USP34: variants seen among roughly 807,000 people sequenced by gnomAD.
USP34 encodes the protein ubiquitin carboxyl-terminal hydrolase 34.
A neutral mutation model predicts 460.3 loss-of-function variants in USP34; 70 were observed. The ratio of observed to expected loss-of-function variants is 0.15; its 90% CI spans 0.13 to 0.19. The LOEUF (loss-of-function observed/expected upper bound fraction) is 0.19, where lower values mean the gene tolerates loss of function less well. Among genes scored for constraint, USP34 ranks in the 10% least tolerant of loss-of-function variants. The pLI, the probability that USP34 is intolerant of heterozygous loss-of-function variation, is 1.00. For synonymous variants in USP34, 1,647 were observed against 1,405.3 expected, an observed-to-expected ratio of 1.17 and a Z score of -3.85; for missense variants, 3,985 against 4,236.2, an observed-to-expected ratio of 0.94 and a Z score of 1.65.
chr2:61,224,574 A>G (rs1687676675), intron 62 of USP34, among the ~76,000 whole-genome samples: 1 of 152,184 alleles, frequency 6.6e-6, no homozygotes, highest in Admixed American at 6.5e-5. Context: ...ACATATAAGA[A>G]CACAAACTTC....
chr2:61,265,879 A>G, intron 42 of USP34, 105 bp downstream of exon 42: 2 of 1,069,622 alleles, frequency 1.9e-6, no homozygotes, highest in Non-Finnish European at 2.5e-6. Flanking sequence ...ATCATTTATA[A>G]TGTTAAAGTG....
At chr2:61,348,600 A>G in intron 14 of USP34, 120 bp from the exon 15 acceptor site, 1 of 1,444,104 alleles carries the variant, frequency 6.9e-7, no homozygotes, top group Non-Finnish European at 9.1e-7. Context: ...CCTTTGAACA[A>G]TACAAAATGG....
intron 48 of USP34, among the ~76,000 whole-genome samples, chr2:61,251,129 C>A (rs768538163): frequency 9.9e-5 from 15 of 151,998 alleles, no homozygotes; most frequent in Non-Finnish European, 1.9e-4. Context: ...TCAAGCGAGA[C>A]TCCATCTCAA....
At chr2:61,221,190 G>C (rs1572846298) in intron 66 of USP34, among the ~76,000 whole-genome samples, 1 of 152,148 alleles carries the variant, frequency 6.6e-6, no homozygotes, top group South Asian at 2.1e-4. Flanking sequence ...AAGGTGGCTG[G>C]TGCTTCCTCT....
chr2:61,265,505 T>C lies in USP34; in HGVS notation c.5670A>G (p.Glu1890=), dbSNP rs1397433087. The change falls in exon 43 of 80, where the codon GAA becomes GAG. Residue 1890 remains glutamate (E), a synonymous_variant. Transcript: ENST00000398571. ...GGTTAGTAAGGCCAACAAATCTACA[T>C]TCAGCACGGACATCTTCATGAGGCC... The part of the protein sequence containing the change: ...DYWPHEDVRA[E]CRFVGLTNLG... 2 of 1,613,520 alleles carry C rather than the reference T, an allele frequency of 1.2e-6. No individual in the cohort carries two copies. Among genetic ancestry groups the C allele is most frequent in the East Asian group, 2.2e-5 (1 of 44,842 alleles).
At chr2:61,188,780 A>C (rs1686529724) in intron 79 of USP34, 71 bp from the exon 80 acceptor site, 1 of 1,569,528 alleles carries the variant, frequency 6.4e-7, no homozygotes, top group Non-Finnish European at 8.6e-7. Context: ...GGGATGTGGG[A>C]AGTTAATTTT....
intron 8 of USP34, among the ~76,000 whole-genome samples, chr2:61,377,151 G>T: frequency 6.6e-6 from 1 of 152,100 alleles, no homozygotes; most frequent in East Asian, 1.9e-4. Flanking sequence ...AAGAACAACT[G>T]GGAGAATAAG....
chr2:61,302,692 T>C (rs968666255), intron 27 of USP34, among the ~76,000 whole-genome samples: 1 of 152,230 alleles, frequency 6.6e-6, no homozygotes, highest in Admixed American at 6.5e-5. Flanking sequence ...TTCTATATCA[T>C]TTAACTAACA....
chr2:61,354,837 G>C (rs575431997), intron 10 of USP34, among the ~76,000 whole-genome samples: 6 of 152,258 alleles, frequency 3.9e-5, no homozygotes, highest in South Asian at 2.1e-4. Flanking sequence ...CAGACCCTTG[G>C]GTGATCAGGT....
chr2:61,443,640 T>C (rs1695030217), intron 1 of USP34, among the ~76,000 whole-genome samples: 1 of 152,040 alleles, frequency 6.6e-6, no homozygotes, highest in African/African-American at 2.4e-5. Context: ...ATGGAGACAG[T>C]AAAAAGATCA....
rs1245307737 is a variant in USP34 at position 61,263,647 on chromosome 2, A to AT, written c.5778+1749dup. Reference sequence around the variant, plus strand: ...GAGGTACCCACCACCATACCCAGCTATTTTTTTTGTATTTTTAGTAGAGAT... The same window carrying AT: ...GAGGTACCCACCACCATACCCAGCTATTTTTTTTTGTATTTTTAGTAGAGAT... On this transcript the variant is annotated intron_variant, in intron 43 of 79. Transcript: ENST00000398571. Among the ~76,000 whole-genome samples the AT allele has an allele frequency of 1.1e-4, 16 of 151,372 alleles. 1 individual carries two copies. The highest frequency in any genetic ancestry group is 3.9e-4 in the Admixed American group (6 of 15,212).
chr2:61,344,457 C>T (rs1244121979), intron 15 of USP34, among the ~76,000 whole-genome samples: 1 of 152,052 alleles, frequency 6.6e-6, no homozygotes, highest in African/African-American at 2.4e-5. Flanking sequence ...AACTTCTAAC[C>T]AAACAAACCC....
At chr2:61,267,747 G>A (rs1448613297) in intron 41 of USP34, among the ~76,000 whole-genome samples, 3 of 151,970 alleles carry the variant, frequency 2.0e-5, no homozygotes, top group African/African-American at 7.3e-5. Context: ...CCAATTAGTT[G>A]GGACTACAGG....
Position 61,278,095 on chromosome 2 carries a change from T to C in USP34, c.5433+70A>G, listed in dbSNP as rs6747211. The C allele has an allele frequency of 5.6e-3, 8,737 of 1,570,608 alleles. 429 individuals are homozygous for C. The African/African-American group carries it at 0.11, about 19-fold the overall frequency. On this transcript the variant is annotated intron_variant, in intron 41 of 79. Coordinates refer to ENST00000398571, the MANE Select transcript of USP34 (RefSeq NM_014709.4). ...CTTTATGAGCAGTGTAAAAACGGAC[T>C]AATACACAATGTAACAACAAAAAAT...
chr2:61,230,041 A>T (rs1462491771), intron 58 of USP34, among the ~76,000 whole-genome samples: 1 of 142,028 alleles, frequency 7.0e-6, no homozygotes, highest in Non-Finnish European at 1.5e-5. Flanking sequence ...AAAGATACAC[A>T]AGTGACCCAC....
At chr2:61,287,745 T>C (rs1689731870) in intron 34 of USP34, among the ~76,000 whole-genome samples, 1 of 152,230 alleles carries the variant, frequency 6.6e-6, no homozygotes, top group Non-Finnish European at 1.5e-5. Flanking sequence ...TCACCAACTG[T>C]TTGTTATTGG....
chr2:61,196,010 C>G (rs923317926), intron 75 of USP34, among the ~76,000 whole-genome samples: 5 of 150,966 alleles, frequency 3.3e-5, no homozygotes, highest in Non-Finnish European at 7.4e-5. Context: ...GGGCTCAAGC[C>G]GTTCTCCCAG....
intron 75 of USP34, chr2:61,193,189 A>G (rs1297872456): frequency 1.7e-5 from 7 of 419,350 alleles, no homozygotes; most frequent in Non-Finnish European, 3.0e-5. Flanking sequence ...CCTATACCTC[A>G]TTCCTGAAGG....
chr2:61,397,243 G>T (rs535738829), intron 3 of USP34, among the ~76,000 whole-genome samples: 1 of 150,012 alleles, frequency 6.7e-6, no homozygotes, highest in African/African-American at 2.5e-5. Context: ...AAGAGTTCTA[G>T]ACCAGTCTGG....
Sources: allele counts gnomAD v4.1 joint callset (sites outside exome capture counted in the v4.1 genomes callset), GRCh38; gene constraint gnomAD v4.1.1; transcripts MANE v1.5; gene names NCBI Gene and HGNC (gene_info 2026-07-23, HGNC 2026-07-21).